Variants in PFKFB3 observed in about 807,000 individuals in gnomAD.
PFKFB3 encodes the protein 6-phosphofructo-2-kinase/fructose-2,6-biphosphatase 3.
In PFKFB3, 33 loss-of-function variants were observed where a neutral mutation model predicts 68.0. The ratio of observed to expected loss-of-function variants is 0.49; its 90% CI spans 0.37 to 0.65. The LOEUF (loss-of-function observed/expected upper bound fraction) is 0.65. Ranked by LOEUF, PFKFB3 falls within the 30% of genes least tolerant of loss-of-function variation. The pLI is 0.00. For synonymous variants in PFKFB3, 315 were observed against 288.2 expected (o/e 1.09, Z -0.94); for missense variants, 586 against 712.2 (o/e 0.82, Z 2.02).
intron 1 of PFKFB3, among the ~76,000 whole-genome samples, chr10:6,156,485 A>AATT (rs111384457): frequency 9.8e-4 from 147 of 149,334 alleles, no homozygotes; most frequent in African/African-American, 3.0e-3. Context: ...ACTTTAAATT[A>AATT]AATTAATTAA....
In PFKFB3 at chr10:6,233,230, T is replaced by G; in HGVS notation, c.*288T>G. 2.4e-6 allele frequency: 1 copy of G among 414,500 alleles called. No homozygotes were observed. Among genetic ancestry groups the G allele is most frequent in the Non-Finnish European group, 4.4e-6 (1 of 227,006 alleles). The allele number at this position is 414,500 out of a possible 1,614,324, so 25.7% of individuals were successfully genotyped here. A position where few individuals can be genotyped will look rare whatever the true frequency, so the allele number is the denominator to read the frequency against. On this transcript the variant is annotated 3_prime_UTR_variant, in exon 15 of 15. Coordinates refer to ENST00000379775, the MANE Select transcript of PFKFB3 (RefSeq NM_004566.4). ...CAGCCTCGGAGACCTTCACAAAGCC[T>G]TGGGAGGGTGATGAGTGCTGGTCCT...
chr10:6,230,561 C>G (rs531659157), intron 14 of PFKFB3, among the ~76,000 whole-genome samples: 3 of 152,180 alleles, frequency 2.0e-5, no homozygotes, highest in African/African-American at 7.2e-5. Flanking sequence ...CAGGGAGGAA[C>G]TTGGTGCCCT....
chr10:6,221,421 T>A lies in PFKFB3; in HGVS notation c.872T>A (p.Leu291Gln). The change falls in exon 9 of 15, where the codon CTG (leucine) becomes CAG (glutamine). Residue 291 changes from leucine to glutamine, a missense_variant. By Grantham distance (113) the Leu-to-Gln change is moderately radical. Transcript: ENST00000379775. ...ALSKFVEEQN[L>Q]KDLRVWTSQL... ...AGCAAGTTCGTGGAGGAGCAGAACCTGAAGGACCTGCGCGTGTGGACCAGC... is the reference window on the plus strand; with the variant it reads ...AGCAAGTTCGTGGAGGAGCAGAACCAGAAGGACCTGCGCGTGTGGACCAGC... 3 of 1,613,888 alleles carry A rather than the reference T, an allele frequency of 1.9e-6. No individual in the cohort carries two copies. The South Asian group carries it at 3.3e-5, about 18-fold the overall frequency.
chr10:6,194,833 C>A (rs947603486), intron 1 of PFKFB3, among the ~76,000 whole-genome samples: 2 of 152,066 alleles, frequency 1.3e-5, no homozygotes, highest in Non-Finnish European at 2.9e-5. Flanking sequence ...CAACACTCTT[C>A]TCATGGCAAG....
intron 1 of PFKFB3, among the ~76,000 whole-genome samples, chr10:6,195,937 C>T (rs1429881945): frequency 6.6e-6 from 1 of 152,152 alleles, no homozygotes; most frequent in Admixed American, 6.5e-5. Flanking sequence ...ACATCCTGCT[C>T]TTTTTCTACT....
At chr10:6,316,009 A>T in the PFKFB3 span, among the ~76,000 whole-genome samples, 8 of 152,180 alleles carry the variant, frequency 5.3e-5, no homozygotes, top group Non-Finnish European at 1.0e-4. Flanking sequence ...ATTTATATAT[A>T]AGAGACTTTT....
the PFKFB3 span, among the ~76,000 whole-genome samples, chr10:6,273,539 T>A: frequency 1.3e-5 from 2 of 152,290 alleles, no homozygotes; most frequent in Non-Finnish European, 2.9e-5. Flanking sequence ...GAGGGTTCTC[T>A]AAGGAAAGCA....
chr10:6,182,139 T>G (rs528309449), intron 1 of PFKFB3, among the ~76,000 whole-genome samples: 1 of 152,278 alleles, frequency 6.6e-6, no homozygotes, highest in South Asian at 2.1e-4. Context: ...GCTTCTGGCC[T>G]CCTCAGTCTT....
intron 1 of PFKFB3, among the ~76,000 whole-genome samples, chr10:6,177,416 T>TTC (rs1842527230): frequency 4.0e-5 from 2 of 49,770 alleles, no homozygotes; most frequent in African/African-American, 1.0e-4. Context: ...TTCTTCTTTC[T>TTC]CTTTCTTCCT....
At chr10:6,235,742 A>G (rs1194754564), downstream of PFKFB3, among the ~76,000 whole-genome samples, 1 of 146,430 alleles carries the variant, frequency 6.8e-6, no homozygotes, top group Admixed American at 6.9e-5. Flanking sequence ...TTTTATTTTT[A>G]TTTTTAATTT....
At position 6,221,501 on chromosome 10, in the gene PFKFB3, T is replaced by C. The variant is rs1343124559; in HGVS notation, c.952T>C (p.Trp318Arg). The change falls in exon 9 of 15, where the codon TGG (tryptophan) becomes CGG (arginine). Residue 318 changes from tryptophan to arginine, a missense_variant. Coordinates refer to ENST00000379775, the MANE Select transcript of PFKFB3 (RefSeq NM_004566.4). ...GGCGCTGCGGCTGCCCTACGAGCAG[T>C]GGAAGGCGCTCAATGAGATCGACGC... Reference protein sequence around the residue: ...AEALRLPYEQWKALNEIDAGV... With the variant: ...AEALRLPYEQRKALNEIDAGV... The C allele has an allele frequency of 6.2e-7, 1 of 1,613,384 alleles. No homozygotes were observed. The highest frequency in any genetic ancestry group is 1.7e-5 in the Admixed American group (1 of 60,018).
intron 14 of PFKFB3, among the ~76,000 whole-genome samples, chr10:6,246,371 C>T (rs1179926944): frequency 2.0e-5 from 3 of 150,364 alleles, no homozygotes; most frequent in Non-Finnish European, 3.0e-5. Flanking sequence ...TGGAATCTCA[C>T]TCTGTTTCCC....
chr10:6,174,192 G>A (rs556723760), intron 1 of PFKFB3, among the ~76,000 whole-genome samples: 1 of 152,098 alleles, frequency 6.6e-6, no homozygotes, highest in Non-Finnish European at 1.5e-5. Flanking sequence ...AAAGTAACGG[G>A]CTTGGATCTC....
intron 14 of PFKFB3, among the ~76,000 whole-genome samples, chr10:6,241,887 C>T (rs1846149918): frequency 6.6e-6 from 1 of 150,812 alleles, no homozygotes; most frequent in South Asian, 2.1e-4. Flanking sequence ...ACTCTGTCAC[C>T]CAGGCTGGAG....
At chr10:6,225,314 C>T (rs1845267821) in intron 13 of PFKFB3, 16 of 415,356 alleles carry the variant, frequency 3.9e-5, no homozygotes, top group South Asian at 2.5e-4. Context: ...GTGTCCGCCC[C>T]AGTCGCTGGC....
At chr10:6,276,826 T>C in the PFKFB3 span, among the ~76,000 whole-genome samples, 2 of 114,286 alleles carry the variant, frequency 1.7e-5, no homozygotes, top group Non-Finnish European at 3.6e-5. Context: ...AGATTTCCCA[T>C]TTTATATGTA....
At chr10:6,144,997 G>C in exon 1 of PFKFB3, 3 of 1,327,884 alleles carry the variant, frequency 2.3e-6, no homozygotes, top group Non-Finnish European at 2.9e-6. Flanking sequence ...CCCCCGGCGC[G>C]ATGCCCTTCA....
rs181200472 is a variant in PFKFB3, at chr10:6,188,874, C to T, written c.17-24749C>T. 1.7e-3 allele frequency among the ~76,000 whole-genome samples: 241 copies of T among 145,170 alleles called. 2 individuals carry two copies. Among genetic ancestry groups the T allele is most frequent in the Admixed American group, 4.8e-3 (67 of 14,066 alleles). ...TTTTTAGACGGAGTCTCGCTCTGTC[C>T]CCCAGGCTGGAGTGCAGTGGCGCGA... On this transcript the variant is annotated intron_variant, in intron 1 of 14. Coordinates refer to the PFKFB3 transcript ENST00000379789.
At chr10:6,191,714 C>T (rs1843027129) in intron 1 of PFKFB3, among the ~76,000 whole-genome samples, 1 of 152,148 alleles carries the variant, frequency 6.6e-6, no homozygotes, top group South Asian at 2.1e-4. Flanking sequence ...GTCCCTCTGG[C>T]CCACCGCTGT....
Sources: allele counts gnomAD v4.1 joint callset (sites outside exome capture counted in the v4.1 genomes callset), GRCh38; gene constraint gnomAD v4.1.1; transcripts MANE v1.5; gene names NCBI Gene and HGNC (gene_info 2026-07-23, HGNC 2026-07-21).